AMMECR1: variants seen among roughly 807,000 people sequenced by gnomAD.
The protein encoded by AMMECR1 is nuclear protein AMMECR1.
In AMMECR1, 3 loss-of-function variants were observed where a neutral mutation model predicts 22.5. The ratio of observed to expected loss-of-function variants is 0.13; its 90% CI spans 0.06 to 0.35. AMMECR1 has a LOEUF of 0.35. Ranked by LOEUF, AMMECR1 falls within the 10% of genes least tolerant of loss-of-function variation. AMMECR1 has a pLI of 1.00. For missense variants in AMMECR1, 235 were observed against 278.7 expected (o/e 0.84, Z 1.12); for synonymous variants, 130 against 116.7 (o/e 1.11, Z -0.74).
intron 1 of AMMECR1, among the ~76,000 whole-genome samples, chrX:110,316,447 T>C (rs942730047): frequency 1.8e-5 from 2 of 111,403 alleles, no homozygotes; most frequent in Non-Finnish European, 3.8e-5. Context: ...ATTTTTTCTG[T>C]ATTATTTTTC....
intron 2 of AMMECR1, among the ~76,000 whole-genome samples, chrX:110,218,978 T>C (rs971996758): frequency 8.9e-6 from 1 of 112,087 alleles, no homozygotes; most frequent in Non-Finnish European, 1.9e-5. Context: ...CAGTACTTCA[T>C]TCTTTTCATT....
intron 3 of AMMECR1, 28 bp from the exon 4 acceptor site, chrX:110,202,564 A>G (rs774399743): frequency 1.1e-6 from 1 of 949,003 alleles, no homozygotes; most frequent in Non-Finnish European, 1.5e-6. Flanking sequence ...TTTTATTAGT[A>G]CAGTCTTCTT....
intron 2 of AMMECR1, among the ~76,000 whole-genome samples, chrX:110,389,876 A>C (rs1158697318): frequency 8.9e-6 from 1 of 112,151 alleles, no homozygotes; most frequent in Non-Finnish European, 1.9e-5. Flanking sequence ...TCTGAAAAGA[A>C]AAGGCTGAGA....
At position 110,198,377 on chromosome X, in the gene AMMECR1, T is replaced by G; in HGVS notation, c.*143A>C. 1 of 324,255 alleles carries G rather than the reference T, an allele frequency of 3.1e-6. No individual in the cohort carries two copies. The highest frequency in any genetic ancestry group is 5.5e-6 in the Non-Finnish European group (1 of 183,472). 26.7% of individuals were successfully genotyped at this position (324,255 alleles called of 1,213,427 possible). Reference sequence around the variant, plus strand: ...TACCCGTTACCATGATGATCTTAGTTGACGATGTCGAAGCTTCACCATGGC... The same window carrying G: ...TACCCGTTACCATGATGATCTTAGTGGACGATGTCGAAGCTTCACCATGGC... On this transcript the variant is annotated 3_prime_UTR_variant, in exon 6 of 6. Transcript: ENST00000262844.
chrX:110,407,481 AT>A (rs977691756), intron 2 of AMMECR1, among the ~76,000 whole-genome samples: 4 of 112,403 alleles, frequency 3.6e-5, no homozygotes, highest in African/African-American at 9.7e-5. Context: ...AATAACAACC[AT>A]TTACTAGCAG....
chrX:110,234,284 C>T lies in AMMECR1; in HGVS notation c.585-17652G>A, dbSNP rs904469306. Among the ~76,000 whole-genome samples, 12 of 111,834 alleles carry T rather than the reference C, an allele frequency of 1.1e-4. No individual in the cohort carries two copies. In the Admixed American group the frequency reaches 1.1e-3, roughly 11 times the overall value. ...TCCAACTTAGAAGGGATGTGAAGGACCTCTTCAAGGAGAATTACAAACCAC... is the reference window on the plus strand; with the variant it reads ...TCCAACTTAGAAGGGATGTGAAGGATCTCTTCAAGGAGAATTACAAACCAC... On this transcript the variant is annotated intron_variant, in intron 2 of 5. Coordinates refer to ENST00000262844, the MANE Select transcript of AMMECR1 (RefSeq NM_015365.3).
intron 1 of AMMECR1, among the ~76,000 whole-genome samples, chrX:110,296,719 GTCTC>G (rs2067938028): frequency 9.0e-6 from 1 of 110,657 alleles, no homozygotes; most frequent in African/African-American, 3.3e-5. Context: ...TCTTTATAAC[GTCTC>G]TCTTTCTCTG....
At chrX:110,233,418 T>C (rs2067581043) in intron 2 of AMMECR1, among the ~76,000 whole-genome samples, 1 of 111,930 alleles carries the variant, frequency 8.9e-6, no homozygotes, top group Admixed American at 9.4e-5. Context: ...GAGGAGCTGG[T>C]ACCAATCCTT....
At chrX:110,432,284 C>T (rs779795872) in intron 1 of AMMECR1, among the ~76,000 whole-genome samples, 67 of 112,372 alleles carry the variant, frequency 6.0e-4, no homozygotes, top group African/African-American at 2.0e-3. Context: ...ACTTGCAAGA[C>T]GGGGAGCCAC....
chrX:110,339,413 A>AAC (rs1556095284), intron 2 of AMMECR1, among the ~76,000 whole-genome samples: 9 of 108,437 alleles, frequency 8.3e-5, no homozygotes, highest in Non-Finnish European at 1.7e-4. Context: ...AAAAAAAAAA[A>AAC]AAAAAAAAAA....
intron 1 of AMMECR1, among the ~76,000 whole-genome samples, chrX:110,438,751 A>G (rs189106833): frequency 2.3e-4 from 26 of 111,519 alleles, no homozygotes; most frequent in African/African-American, 7.8e-4. Flanking sequence ...CTTTTAGAAC[A>G]CAAATTAGAA....
chrX:110,278,477 G>T (rs983140066), intron 1 of AMMECR1, among the ~76,000 whole-genome samples: 5 of 111,407 alleles, frequency 4.5e-5, no homozygotes, highest in African/African-American at 1.3e-4. Flanking sequence ...AGGTAATAAG[G>T]CAGTGAAATA....
intron 2 of AMMECR1, among the ~76,000 whole-genome samples, chrX:110,247,173 T>C (rs780241755): frequency 8.9e-6 from 1 of 112,499 alleles, no homozygotes; most frequent in Non-Finnish European, 1.9e-5. Flanking sequence ...GGGACTTGAA[T>C]ATGTGAAATA....
chrX:110,430,497 G>A (rs756614177), intron 1 of AMMECR1, among the ~76,000 whole-genome samples: 5 of 111,865 alleles, frequency 4.5e-5, no homozygotes, highest in South Asian at 3.8e-4. Flanking sequence ...AGTGAATGGC[G>A]GAACACAGAT....
At chrX:110,345,763 A>G (rs1416116191) in intron 2 of AMMECR1, among the ~76,000 whole-genome samples, 1 of 111,622 alleles carries the variant, frequency 9.0e-6, no homozygotes, top group Non-Finnish European at 1.9e-5. Context: ...GAAAAATACA[A>G]TAGTATTACC....
At chrX:110,413,303 C>T (rs1323117956) in intron 2 of AMMECR1, among the ~76,000 whole-genome samples, 1 of 111,518 alleles carries the variant, frequency 9.0e-6, no homozygotes, top group African/African-American at 3.3e-5. Context: ...GCGGATCTCA[C>T]GGCTTTGCCA....
intron 3 of AMMECR1, among the ~76,000 whole-genome samples, chrX:110,208,089 G>A (rs969768224): frequency 2.7e-5 from 3 of 112,470 alleles, no homozygotes; most frequent in Non-Finnish European, 3.8e-5. Flanking sequence ...TCTTAGTGAC[G>A]TAAAAATTAT....
intron 2 of AMMECR1, among the ~76,000 whole-genome samples, chrX:110,363,960 G>A (rs1046324065): frequency 1.8e-5 from 2 of 111,874 alleles, no homozygotes; most frequent in African/African-American, 6.5e-5. Context: ...CGGAATGAGT[G>A]GTATATTAGT....
At chrX:110,301,637 G>C (rs1440002996) in intron 1 of AMMECR1, among the ~76,000 whole-genome samples, 1 of 111,380 alleles carries the variant, frequency 9.0e-6, no homozygotes, top group Admixed American at 9.5e-5. Flanking sequence ...TAGATTTCAG[G>C]GGTGTTGTGA....
Sources: gnomAD v4.1 joint callset for allele counts (sites outside exome capture counted in the v4.1 genomes callset) on GRCh38, gnomAD v4.1.1 for gene constraint, MANE v1.5 for transcripts, NCBI Gene and HGNC (gene_info 2026-07-23, HGNC 2026-07-21) for gene names.